The following GPC5 variants were observed in gnomAD, a reference collection of about 807,000 sequenced individuals.
GPC5 encodes the protein glypican 5.
Under a neutral mutation model 53.9 loss-of-function variants are expected in GPC5, and 47 were observed. That is an observed-to-expected ratio of 0.87 (90% confidence interval 0.69 to 1.11). The LOEUF (loss-of-function observed/expected upper bound fraction) is 1.11. Among genes scored for constraint, GPC5 ranks in the 50% most tolerant of loss-of-function variants. The pLI, the probability that GPC5 is intolerant of heterozygous loss-of-function variation, is 0.00. For synonymous variants in GPC5, 286 were observed against 263.3 expected (o/e 1.09, Z -0.84); for missense variants, 748 against 713.1 (o/e 1.05, Z -0.56).
intron 5 of GPC5, among the ~76,000 whole-genome samples, chr13:91,900,774 A>G (rs1360844186): frequency 6.6e-6 from 1 of 151,736 alleles, no homozygotes; most frequent in African/African-American, 2.4e-5. Flanking sequence ...TAGGTAGGTA[A>G]TTTTTTTTGA....
intron 7 of GPC5, among the ~76,000 whole-genome samples, chr13:92,506,475 C>T (rs1880374031): frequency 6.6e-6 from 1 of 151,966 alleles, no homozygotes; most frequent in South Asian, 2.1e-4. Context: ...GCTAAGAAAA[C>T]TCTAGGCCTC....
chr13:91,737,894 G>A lies in GPC5; in HGVS notation c.1154+9229G>A, dbSNP rs2036848313. On this transcript the variant is annotated intron_variant, in intron 4 of 7. Transcript: ENST00000377067. The stretch of plus-strand genomic sequence containing the variant: ...GGAGTACAGATTAAATTAATATAAG[G>A]CAGATTAATAGAAAAACGATTTTAA... Among the ~76,000 whole-genome samples the A allele has an allele frequency of 2.0e-5, 3 of 151,270 alleles. No homozygotes were observed. In the South Asian group the frequency reaches 6.2e-4, roughly 31 times the overall value.
chr13:91,684,632 C>G (rs2035581602), intron 2 of GPC5, among the ~76,000 whole-genome samples: 1 of 152,236 alleles, frequency 6.6e-6, no homozygotes, highest in African/African-American at 2.4e-5. Flanking sequence ...CCAGCAATGA[C>G]TGTCACCCAT....
At chr13:92,356,249 C>T (rs577794021) in intron 7 of GPC5, among the ~76,000 whole-genome samples, 5 of 152,032 alleles carry the variant, frequency 3.3e-5, no homozygotes, top group South Asian at 2.1e-4. Context: ...TCCAGGGTGG[C>T]GGGAGAGGAA....
intron 5 of GPC5, among the ~76,000 whole-genome samples, chr13:91,891,729 G>C (rs2039388607): frequency 6.6e-6 from 1 of 152,064 alleles, no homozygotes; most frequent in Non-Finnish European, 1.5e-5. Flanking sequence ...ATTTTCATCA[G>C]TTACTTTATC....
At chr13:92,363,315 C>T (rs1336905891) in intron 7 of GPC5, among the ~76,000 whole-genome samples, 1 of 151,554 alleles carries the variant, frequency 6.6e-6, no homozygotes, top group African/African-American at 2.4e-5. Flanking sequence ...AAGAATTTGG[C>T]CCTAGACCAG....
chr13:92,604,341 A>G (rs1245469482), intron 7 of GPC5, among the ~76,000 whole-genome samples: 1 of 152,210 alleles, frequency 6.6e-6, no homozygotes, highest in South Asian at 2.1e-4. Context: ...GTGGTTTAAC[A>G]TAATATTTGT....
chr13:92,045,938 G>A (rs1345293300), intron 6 of GPC5, among the ~76,000 whole-genome samples: 3 of 151,908 alleles, frequency 2.0e-5, no homozygotes, highest in Non-Finnish European at 2.9e-5. Flanking sequence ...CTGAAACCCC[G>A]TCTCTACTAA....
chr13:92,756,392 C>G (rs1011276197), intron 7 of GPC5, among the ~76,000 whole-genome samples: 1 of 151,712 alleles, frequency 6.6e-6, no homozygotes, highest in Non-Finnish European at 1.5e-5. Flanking sequence ...TGGACAAAAA[C>G]TGGAAGCATT....
intron 2 of GPC5, among the ~76,000 whole-genome samples, chr13:91,525,939 A>G (rs1475954337): frequency 6.6e-6 from 1 of 152,190 alleles, no homozygotes; most frequent in Non-Finnish European, 1.5e-5. Context: ...TTTGTCCTCT[A>G]CCACTACAGG....
At chr13:92,773,031 T>C (rs1875668986) in intron 7 of GPC5, among the ~76,000 whole-genome samples, 3 of 152,170 alleles carry the variant, frequency 2.0e-5, no homozygotes, top group African/African-American at 7.2e-5. Context: ...CATATTCCTT[T>C]TTCCGATAAT....
chr13:92,474,111 G>T (rs1390771298), intron 7 of GPC5, among the ~76,000 whole-genome samples: 1 of 150,886 alleles, frequency 6.6e-6, no homozygotes, highest in Admixed American at 6.6e-5. Context: ...TTCTTTCTAG[G>T]ATATGTGTTG....
Position 92,370,604 on chromosome 13 carries a change from CAG to C in GPC5, c.1561+225618_1561+225619del, listed in dbSNP as rs144516958. Among the ~76,000 whole-genome samples the C allele has an allele frequency of 9.4e-3, 1,423 of 151,858 alleles. 14 individuals carry two copies. The highest frequency in any genetic ancestry group is 0.032 in the African/African-American group (1,338 of 41,446). ...GGAAAAAATATATGAAAAATTAACT[CAG>C]AGTCACTTCCATATATGATTGAAAA... On this transcript the variant is annotated intron_variant, in intron 7 of 7. Coordinates refer to ENST00000377067, the MANE Select transcript of GPC5 (RefSeq NM_004466.6).
chr13:91,982,840 T>C (rs2040371350), intron 6 of GPC5, among the ~76,000 whole-genome samples: 1 of 152,186 alleles, frequency 6.6e-6, no homozygotes, highest in South Asian at 2.1e-4. Flanking sequence ...TTCCTGGCTT[T>C]TCATTTTTTC....
intron 7 of GPC5, among the ~76,000 whole-genome samples, chr13:92,746,409 C>A (rs1889243040): frequency 6.6e-6 from 1 of 152,048 alleles, no homozygotes; most frequent in Non-Finnish European, 1.5e-5. Flanking sequence ...TTAGAACCAC[C>A]TACATCTGTT....
intron 7 of GPC5, among the ~76,000 whole-genome samples, chr13:92,228,926 A>G (rs1163540853): frequency 2.0e-5 from 3 of 152,118 alleles, no homozygotes; most frequent in Non-Finnish European, 4.4e-5. Flanking sequence ...ATAGGTTTGG[A>G]AGTTTTTTAA....
intron 7 of GPC5, among the ~76,000 whole-genome samples, chr13:92,597,122 A>G (rs1199287854): frequency 6.6e-6 from 1 of 152,220 alleles, no homozygotes; most frequent in Non-Finnish European, 1.5e-5. Flanking sequence ...CCTGCTTACA[A>G]TGATTTAACA....
intron 7 of GPC5, among the ~76,000 whole-genome samples, chr13:92,524,775 C>G (rs1881210590): frequency 6.6e-6 from 1 of 152,054 alleles, no homozygotes; most frequent in Non-Finnish European, 1.5e-5. Context: ...TCCTCAGAAA[C>G]AGCTTTTAGG....
At chr13:91,407,211 G>C (rs1594045398) in intron 1 of GPC5, among the ~76,000 whole-genome samples, 3 of 152,180 alleles carry the variant, frequency 2.0e-5, no homozygotes, top group Non-Finnish European at 2.9e-5. Flanking sequence ...GCTCATTTGT[G>C]TTGAATGAAT....
Sources: allele counts gnomAD v4.1 joint callset (sites outside exome capture counted in the v4.1 genomes callset), GRCh38; gene constraint gnomAD v4.1.1; transcripts MANE v1.5; gene names NCBI Gene and HGNC (gene_info 2026-07-23, HGNC 2026-07-21).